Variants in PELP1 observed in about 807,000 individuals in gnomAD.
PELP1 encodes proline, glutamate and leucine rich protein 1.
PELP1 carries 32 observed loss-of-function variants against 95.5 expected under a neutral mutation model. That is an observed-to-expected ratio of 0.34 (90% CI 0.25 to 0.45). PELP1 has a LOEUF of 0.45. PELP1 is among the 20% of genes least tolerant of loss of function. The pLI is 1.00. For synonymous variants in PELP1, 668 were observed against 600.1 expected (o/e 1.11, Z -1.65); for missense variants, 1,358 against 1,444.8 (o/e 0.94, Z 0.97).
rs755377481 is a variant in PELP1 at position 4,672,394 on chromosome 17, G to A, written c.2597C>T (p.Pro866Leu). The change falls in exon 16 of 17, where the codon CCT becomes CTT. Residue 866 changes from proline to leucine, a missense_variant. Physicochemically the swap from Pro to Leu is moderately conservative, Grantham distance 98 (BLOSUM62 -3). Coordinates refer to ENST00000572293, the MANE Select transcript of PELP1 (RefSeq NM_014389.3). ...CAGGGCTGGGGGTCCTCCCCCACCA[G>A]GAGTCCCTTCAGGGACCAACTGGGG... is the stretch of plus-strand genomic sequence containing the variant. ...PPPQLVPEGT[P>L]GGGGPPALEE... is the part of the protein sequence containing the mutation. 24 of 1,558,272 alleles carry A rather than the reference G, an allele frequency of 1.5e-5. No homozygotes were observed. In the East Asian group the frequency reaches 5.5e-4, roughly 36 times the overall value.
chr17:4,691,270 G>C (rs1425511580), intron 2 of PELP1, 108 bp downstream of exon 2: 4 of 819,188 alleles, frequency 4.9e-6, no homozygotes, highest in East Asian at 2.4e-5. Context: ...CTTGGGAATA[G>C]AGAGAGGTCT....
At chr17:4,671,570 C>G in intron 16 of PELP1, 39 bp from the exon 17 acceptor site, 1 of 1,611,756 alleles carries the variant, frequency 6.2e-7, no homozygotes. Flanking sequence ...AATAGTCACA[C>G]ACACATACAC....
At position 4,671,424 on chromosome 17, in the gene PELP1, G is replaced by A. The variant is rs754009522; in HGVS notation, c.*15C>T. ...ATAACTTTATTGGAAACAAAGAGTG[G>A]GGTGCAGAAGATGGCTAGGAGTCAG... On this transcript the variant is annotated 3_prime_UTR_variant, in exon 17 of 17. Transcript: ENST00000572293. The A allele has an allele frequency of 1.6e-6, 2 of 1,251,548 alleles. No homozygotes were observed. Among genetic ancestry groups the A allele is most frequent in the South Asian group, 1.2e-5 (1 of 83,906 alleles). The allele number at this position is 1,251,548 out of a possible 1,614,324, so 77.5% of individuals were successfully genotyped here. A position where few individuals can be genotyped will look rare whatever the true frequency, so the allele number is the denominator to read the frequency against.
chr17:4,684,078 GAAAAAACAATTTGAATTT>G (rs1010705493), intron 3 of PELP1, among the ~76,000 whole-genome samples: 2 of 151,872 alleles, frequency 1.3e-5, no homozygotes, highest in African/African-American at 4.8e-5. Context: ...AACCCATGGA[GAAAAAACAATTTGAATTT>G]AAAAGGACTT....
At position 4,675,007 on chromosome 17, in the gene PELP1, A is replaced by T; in HGVS notation, c.1275-51T>A. The T allele has an allele frequency of 6.2e-7, 1 of 1,606,050 alleles. No individual in the cohort carries two copies. The highest frequency in any genetic ancestry group is 8.5e-7 in the Non-Finnish European group (1 of 1,173,822). Reference sequence around the variant, plus strand: ...TATGAATGGGGGGTCAACATGCCAGAAGCCCCAGCCCACCTGCACCCCCTC... The same window carrying T: ...TATGAATGGGGGGTCAACATGCCAGTAGCCCCAGCCCACCTGCACCCCCTC... On this transcript the variant is annotated intron_variant, in intron 11 of 16. Transcript: ENST00000572293. This position sits in a 1 kb window ranked among gnomAD's most constrained non-coding sequence, Gnocchi z 4.3.
chr17:4,692,193 C>T (rs55711754), intron 1 of PELP1, among the ~76,000 whole-genome samples: 6 of 152,094 alleles, frequency 3.9e-5, no homozygotes, highest in African/African-American at 1.4e-4. Flanking sequence ...CATGGCCGGG[C>T]GCAGTGGCTC....
At chr17:4,702,620 G>C (rs1913587073) in intron 1 of PELP1, among the ~76,000 whole-genome samples, 1 of 152,184 alleles carries the variant, frequency 6.6e-6, no homozygotes, top group Admixed American at 6.5e-5. Context: ...GCAGAGTAAT[G>C]TTAAAGACAA....
At position 4,676,757 on chromosome 17, in the gene PELP1, T is replaced by G; in HGVS notation, c.698A>C (p.Gln233Pro). 6.4e-7 allele frequency: 1 copy of G among 1,568,754 alleles called. No individual in the cohort carries two copies. Among genetic ancestry groups the G allele is most frequent in the Non-Finnish European group, 8.6e-7 (1 of 1,156,272 alleles). The change falls in exon 6 of 17, where the codon CAA (glutamine) becomes CCA (proline). Residue 233 changes from glutamine to proline, a missense_variant. Gln to Pro is a moderately conservative substitution (Grantham distance 76, BLOSUM62 -1). Around this residue, in one of 7 missense-constraint regions of PELP1, gnomAD observed 538 missense variants for 628.1 expected, o/e 0.86. Coordinates refer to ENST00000572293, the MANE Select transcript of PELP1 (RefSeq NM_014389.3). ...CTCTCCCTCCCTGCCCTTTACCTGT[T>G]GGAGCTGAGGGCTCAAGGCATCCAC... ...SRVDALSPQL[Q>P]QLACECYSRL...
chr17:4,678,538 G>A (rs1912579444), intron 5 of PELP1, among the ~76,000 whole-genome samples: 1 of 152,192 alleles, frequency 6.6e-6, no homozygotes, highest in Non-Finnish European at 1.5e-5. Context: ...ATAAAGCAGT[G>A]TACGGTGAAG....
At chr17:4,699,662 C>T (rs1207633830) in intron 1 of PELP1, among the ~76,000 whole-genome samples, 1 of 152,174 alleles carries the variant, frequency 6.6e-6, no homozygotes, top group Non-Finnish European at 1.5e-5. Context: ...TCTCGGCTCA[C>T]TGCAATGTCT....
In PELP1 at chr17:4,681,624, AC is replaced by A. The variant is rs1912693538; in HGVS notation, c.642+877del. On this transcript the variant is annotated intron_variant, in intron 5 of 16. Transcript: ENST00000572293. ...AGACCATCCTGGCCAACATGATGAA[AC>A]CCCATCTCTACTAAAAATACAAAAA... Among the ~76,000 whole-genome samples, 6 of 151,274 alleles carry A rather than the reference AC, an allele frequency of 4.0e-5. No homozygotes were observed. In the South Asian group the frequency reaches 1.3e-3, roughly 32 times the overall value.
chr17:4,698,849 G>A (rs1386740302), intron 1 of PELP1, among the ~76,000 whole-genome samples: 1 of 152,068 alleles, frequency 6.6e-6, no homozygotes, highest in Non-Finnish European at 1.5e-5. Context: ...CATGATGATA[G>A]AGTATGATTA....
chr17:4,683,419 A>G (rs1208066087), intron 3 of PELP1, among the ~76,000 whole-genome samples: 2 of 151,100 alleles, frequency 1.3e-5, no homozygotes, highest in East Asian at 1.9e-4. Flanking sequence ...ACGGGGTTTC[A>G]CTATGTTAGC....
rs767261088 is a variant in PELP1 at position 4,703,931 on chromosome 17, G to A, written c.181C>T (p.Arg61Cys). ...AGCCCGGGCAAATGTGGGGCCGAGCGGTTTGGGGGATGCACCGGAGCAACG... is the reference window on the plus strand; with the variant it reads ...AGCCCGGGCAAATGTGGGGCCGAGCAGTTTGGGGGATGCACCGGAGCAACG... ...SAVAPVHPPN[R>C]SAPHLPGLMC... Residue 61 changes from arginine (R) to cysteine (C), a missense_variant, in exon 1 of 17, where the codon CGC becomes TGC. Around this residue, in one of 7 missense-constraint regions of PELP1, gnomAD observed 169 missense variants for 134.9 expected, o/e 1.25. Coordinates refer to ENST00000572293, the MANE Select transcript of PELP1 (RefSeq NM_014389.3). 1.2e-6 allele frequency: 2 copies of A among 1,613,598 alleles called. No homozygotes were observed. Among genetic ancestry groups the A allele is most frequent in the Non-Finnish European group, 1.7e-6 (2 of 1,179,734 alleles).
chr17:4,672,415 TG>T lies in PELP1; in HGVS notation c.2575del (p.Gln859SerfsTer20). The T allele has an allele frequency of 6.4e-7, 1 of 1,559,842 alleles. No homozygotes were observed. The highest frequency in any genetic ancestry group is 8.7e-7 in the Non-Finnish European group (1 of 1,153,166). The stretch of plus-strand genomic sequence containing the variant: ...ACCAGGAGTCCCTTCAGGGACCAAC[TG>T]GGGTGGAGGGAGCGTCACAGGACCA... ...VPGPVTLPPP[Q>X]LVPEGTPGGG... On this transcript the variant is annotated frameshift_variant, in exon 16 of 17. Coordinates refer to ENST00000572293, the MANE Select transcript of PELP1 (RefSeq NM_014389.3). LOFTEE classifies it high-confidence loss of function.
chr17:4,676,068 C>G lies in PELP1; in HGVS notation c.948G>C (p.Ser316=). 1 of 1,613,996 alleles carries G rather than the reference C, an allele frequency of 6.2e-7. No individual in the cohort carries two copies. Among genetic ancestry groups the G allele is most frequent in the Admixed American group, 1.7e-5 (1 of 60,020 alleles). The change falls in exon 8 of 17, where the codon TCG becomes TCC. Residue 316 remains serine (S), a synonymous_variant. Coordinates refer to ENST00000572293, the MANE Select transcript of PELP1 (RefSeq NM_014389.3). The stretch of plus-strand genomic sequence containing the variant: ...TGAGCCCTAGGCAGCGGGCCAGTCC[C>G]GAAAACCTCTGCCGAAGCTGGAGAA... ...HVLLQLRQRF[S]GLARCLGLML...
At chr17:4,679,301 C>G (rs1490846770) in intron 5 of PELP1, among the ~76,000 whole-genome samples, 1 of 152,132 alleles carries the variant, frequency 6.6e-6, no homozygotes, top group Non-Finnish European at 1.5e-5. Flanking sequence ...AAGACACTCC[C>G]TGGAAGGACA....
Position 4,673,106 on chromosome 17 carries a change from C to G in PELP1, c.1885G>C (p.Ala629Pro). The stretch of plus-strand genomic sequence containing the variant: ...GGAGGAACCCGGGGGTGGGTCAGAG[C>G]AGCACAGGTCACCAGTGCTTCTGAG... ...FCSEALVTCAALTHPRVPPLQ... is the reference protein window; with the variant it reads ...FCSEALVTCAPLTHPRVPPLQ... Residue 629 changes from alanine (A) to proline (P), a missense_variant, in exon 16 of 17, where the codon GCT becomes CCT. By Grantham distance (27) the Ala-to-Pro change is conservative (BLOSUM62 -1). This residue lies in a region of PELP1 where 18 missense variants were observed against 39.0 expected (regional missense o/e 0.46). Transcript: ENST00000572293. The surrounding 1 kb of genome is among the most constrained non-coding windows in gnomAD (Gnocchi z 5.7). The G allele has an allele frequency of 6.6e-7, 1 of 1,523,404 alleles. No homozygotes were observed. The highest frequency in any genetic ancestry group is 1.3e-5 in the South Asian group (1 of 75,476). 94.4% of individuals were successfully genotyped at this position (1,523,404 alleles called of 1,614,324 possible).
Position 4,673,060 on chromosome 17 carries a change from G to A in PELP1, c.1931C>T (p.Thr644Ile), listed in dbSNP as rs1357812874. The A allele has an allele frequency of 6.5e-7, 1 of 1,528,304 alleles. No homozygotes were observed. Among genetic ancestry groups the A allele is most frequent in the Admixed American group, 2.2e-5 (1 of 45,990 alleles). The allele number at this position is 1,528,304 out of a possible 1,614,324, so 94.7% of individuals were successfully genotyped here. ...GGGAACTGGAGCAGGTGTGGGGCAG[G>A]TGGGGCCCATGGGCTGCAGGGGAGG... ...RVPPLQPMGPTCPTPAPVPPP... is the reference protein window; with the variant it reads ...RVPPLQPMGPICPTPAPVPPP... Residue 644 changes from threonine (T) to isoleucine (I), a missense_variant, in exon 16 of 17, where the codon ACC (threonine) becomes ATC (isoleucine). By Grantham distance (89) the Thr-to-Ile change is moderately conservative. Transcript: ENST00000572293. This position sits in a 1 kb window ranked among gnomAD's most constrained non-coding sequence, Gnocchi z 5.7.
Sources: allele counts gnomAD v4.1 joint callset (sites outside exome capture counted in the v4.1 genomes callset), GRCh38; gene constraint gnomAD v4.1.1; regional missense constraint gnomAD v4.1.1; non-coding constraint Gnocchi (gnomAD v3.1); transcripts MANE v1.5; gene names NCBI Gene and HGNC (gene_info 2026-07-23, HGNC 2026-07-21).